The following CLIC5 variants were observed in gnomAD, a reference collection of about 807,000 sequenced individuals.
CLIC5 encodes the protein CLIC family member 5, also known as chloride intracellular channel protein 5.
CLIC5 carries 20 observed loss-of-function variants against 24.7 expected under a neutral mutation model. The ratio of observed to expected loss-of-function variants is 0.81; its 90% CI spans 0.57 to 1.18. CLIC5 has a LOEUF of 1.18. Among genes scored for constraint, CLIC5 ranks in the 50% most tolerant of loss-of-function variants. The pLI, the probability that CLIC5 is intolerant of heterozygous loss-of-function variation, is 0.00. For missense variants in CLIC5, 341 were observed against 326.1 expected (o/e 1.05, Z -0.35); for synonymous variants, 159 against 135.6 (o/e 1.17, Z -1.20).
intron 1 of CLIC5, among the ~76,000 whole-genome samples, chr6:45,986,159 G>A (rs530220266): frequency 6.6e-6 from 1 of 152,106 alleles, no homozygotes. Flanking sequence ...ACTCAGTCTT[G>A]GGTATGTCTT....
intron 6 of CLIC5, among the ~76,000 whole-genome samples, chr6:45,892,727 G>A (rs1266068993): frequency 2.0e-5 from 3 of 152,128 alleles, no homozygotes; most frequent in Non-Finnish European, 2.9e-5. Context: ...TCAAAATAGT[G>A]AATTAAAATG....
rs577662398 is a variant in CLIC5 at position 45,936,737 on chromosome 6, T to TA, written c.406+4809dup. On this transcript the variant is annotated intron_variant, in intron 4 of 5. Coordinates refer to ENST00000339561, the MANE Select transcript of CLIC5 (RefSeq NM_016929.5). ...ATACACAGTCACCTGCCTCTCTGCA[T>TA]AGGAAACACAGCATGTTTAGAAACA... 1.1e-4 allele frequency among the ~76,000 whole-genome samples: 17 copies of TA among 152,232 alleles called. 1 individual carries two copies. The East Asian group carries it at 3.3e-3, about 29-fold the overall frequency.
the CLIC5 span, among the ~76,000 whole-genome samples, chr6:46,113,673 G>A: frequency 1.3e-5 from 2 of 152,148 alleles, no homozygotes; most frequent in East Asian, 1.9e-4. Flanking sequence ...GTGTGTCCCT[G>A]CCCCCTTAAA....
chr6:45,988,835 C>T (rs1011823601), intron 1 of CLIC5, among the ~76,000 whole-genome samples: 1 of 152,180 alleles, frequency 6.6e-6, no homozygotes, highest in Non-Finnish European at 1.5e-5. Flanking sequence ...CAGGTCAAGA[C>T]AAATGGGGTT....
At chr6:45,950,241 T>C (rs1192194357) in intron 2 of CLIC5, among the ~76,000 whole-genome samples, 4 of 152,128 alleles carry the variant, frequency 2.6e-5, no homozygotes, top group Non-Finnish European at 5.9e-5. Flanking sequence ...AGTAGATACA[T>C]ATTTTTAATG....
upstream of CLIC5, among the ~76,000 whole-genome samples, chr6:46,083,113 TA>T (rs1762960041): frequency 6.6e-6 from 1 of 152,264 alleles, no homozygotes; most frequent in African/African-American, 2.4e-5. Context: ...GCTATATAGC[TA>T]AAGTCTAGCA....
At chr6:45,931,385 G>T (rs59920294) in intron 4 of CLIC5, among the ~76,000 whole-genome samples, 3,180 of 152,244 alleles carry the variant, frequency 0.021, 124 homozygotes, top group African/African-American at 0.073. Flanking sequence ...TAGAAGCAAT[G>T]TTGAACTTGA....
intron 1 of CLIC5, among the ~76,000 whole-genome samples, chr6:46,047,598 T>C (rs1003162237): frequency 1.3e-5 from 2 of 152,210 alleles, no homozygotes; most frequent in African/African-American, 4.8e-5. Flanking sequence ...ACATATACAA[T>C]AACAAATGCA....
intron 1 of CLIC5, among the ~76,000 whole-genome samples, chr6:46,001,062 C>T (rs1014003408): frequency 5.9e-5 from 9 of 152,170 alleles, no homozygotes; most frequent in African/African-American, 2.2e-4. Context: ...GTTGCCTCGC[C>T]CTAGTTAGAG....
At chr6:46,061,403 G>GGT (rs1193728524) in intron 1 of CLIC5, among the ~76,000 whole-genome samples, 1 of 152,214 alleles carries the variant, frequency 6.6e-6, no homozygotes, top group African/African-American at 2.4e-5. Context: ...ATGTTGGCCA[G>GGT]GATGGTCTCG....
intron 1 of CLIC5, among the ~76,000 whole-genome samples, chr6:45,969,769 A>G (rs560947941): frequency 6.8e-6 from 1 of 147,836 alleles, no homozygotes; most frequent in East Asian, 2.0e-4. Flanking sequence ...TTGTTATTGA[A>G]TGGTATGGAT....
intron 1 of CLIC5, among the ~76,000 whole-genome samples, chr6:46,007,493 C>T (rs1766628799): frequency 6.6e-6 from 1 of 152,230 alleles, no homozygotes; most frequent in Admixed American, 6.5e-5. Context: ...CCACAACACA[C>T]TCTGTCTTTT....
At chr6:46,107,851 T>G in the CLIC5 span, among the ~76,000 whole-genome samples, 1 of 151,870 alleles carries the variant, frequency 6.6e-6, no homozygotes, top group Non-Finnish European at 1.5e-5. Flanking sequence ...GTCTGGCCAA[T>G]ATGGCAAAAC....
the CLIC5 span, among the ~76,000 whole-genome samples, chr6:46,086,010 C>A: frequency 6.6e-6 from 1 of 152,328 alleles, no homozygotes; most frequent in East Asian, 1.9e-4. Context: ...GCTGTGCTAG[C>A]AATCAGTGAG....
intron 1 of CLIC5, among the ~76,000 whole-genome samples, chr6:46,066,397 C>T (rs1467707275): frequency 2.0e-5 from 3 of 152,018 alleles, no homozygotes; most frequent in African/African-American, 7.2e-5. Flanking sequence ...GGTTTGTCAC[C>T]AGGACTTGCC....
rs372268194 is a variant in CLIC5, at chr6:45,900,462, A to T, written c.*2626T>A. 120 of 148,438 alleles carry T rather than the reference A, an allele frequency of 8.1e-4. 1 individual carries two copies. Among genetic ancestry groups the T allele is most frequent in the African/African-American group, 2.8e-3 (112 of 40,026 alleles). The allele number at this position is 148,438 out of a possible 1,614,324, so 9.2% of individuals were successfully genotyped here. On this transcript the variant is annotated 3_prime_UTR_variant, in exon 6 of 6. Transcript: ENST00000339561. The stretch of plus-strand genomic sequence containing the variant: ...GACCTCACCACACTGTTGCTGAGAC[A>T]TGATGTGCTGCACATATGATAAGAA...
chr6:45,941,647 G>T lies in CLIC5; in HGVS notation c.306C>A (p.Pro102=), dbSNP rs371712798. Residue 102 remains proline, a synonymous_variant, in exon 4 of 6, where the codon CCC becomes CCA. Transcript: ENST00000339561. ...LEETLTPEKY[P]KLAAKHRESN... ...ATTCCCGGTGTTTTGCAGCCAGTTT[G>T]GGGTACCTGGAATGGAGGATGCAGT... 3.7e-6 allele frequency: 6 copies of T among 1,613,572 alleles called. No individual in the cohort carries two copies. In the African/African-American group the frequency reaches 5.3e-5, roughly 14 times the overall value.
chr6:45,887,714 C>T (rs1762317290), intron 6 of CLIC5, among the ~76,000 whole-genome samples: 1 of 152,190 alleles, frequency 6.6e-6, no homozygotes, highest in Non-Finnish European at 1.5e-5. Flanking sequence ...CTAAAACAGA[C>T]AATGGCTTTT....
chr6:46,049,875 G>A lies in CLIC5; in HGVS notation c.540+29828C>T, dbSNP rs757964361. ...AAATGCTGAGTTAAACAAGATTCAA[G>A]GTTTTTTGACTGATGTCTCTGCTCC... is the stretch of plus-strand genomic sequence containing the variant. On this transcript the variant is annotated intron_variant, in intron 1 of 5. Coordinates refer to the CLIC5 transcript ENST00000185206. Among the ~76,000 whole-genome samples the A allele has an allele frequency of 3.3e-5, 5 of 152,204 alleles. No homozygotes were observed. The East Asian group carries it at 7.7e-4, about 23-fold the overall frequency.
Sources: allele counts gnomAD v4.1 joint callset (sites outside exome capture counted in the v4.1 genomes callset), GRCh38; gene constraint gnomAD v4.1.1; transcripts MANE v1.5; gene names NCBI Gene and HGNC (gene_info 2026-07-23, HGNC 2026-07-21).